Variants in EXOC6B observed in about 807,000 individuals in gnomAD.
The protein encoded by EXOC6B is SEC15 homolog B.
In EXOC6B, 54 loss-of-function variants were observed where a neutral mutation model predicts 113.5. The ratio of observed to expected loss-of-function variants is 0.48; its 90% CI spans 0.38 to 0.60. The LOEUF (loss-of-function observed/expected upper bound fraction) is 0.60, where lower values mean the gene tolerates loss of function less well. Ranked by LOEUF, EXOC6B falls within the 20% of genes least tolerant of loss-of-function variation. The pLI is 0.00. For missense variants in EXOC6B, 797 were observed against 977.5 expected (o/e 0.82, Z 2.46); for synonymous variants, 357 against 339.0 (o/e 1.05, Z -0.58).
At chr2:72,279,599 T>G (rs1177660856) in intron 20 of EXOC6B, among the ~76,000 whole-genome samples, 1 of 152,086 alleles carries the variant, frequency 6.6e-6, no homozygotes, top group African/African-American at 2.4e-5. Context: ...GCAGAAAAAG[T>G]GTAGATAATT....
At chr2:72,365,084 T>A (rs1690536992) in intron 19 of EXOC6B, among the ~76,000 whole-genome samples, 1 of 152,130 alleles carries the variant, frequency 6.6e-6, no homozygotes, top group African/African-American at 2.4e-5. Flanking sequence ...GGCGGGCAAC[T>A]TATAGAAACA....
intron 20 of EXOC6B, among the ~76,000 whole-genome samples, chr2:72,284,722 G>A (rs2104684878): frequency 6.6e-6 from 1 of 152,000 alleles, no homozygotes; most frequent in South Asian, 2.1e-4. Context: ...ATTTTCTATA[G>A]AAAATCCAAA....
At chr2:72,532,572 G>A (rs1423361226) in intron 8 of EXOC6B, among the ~76,000 whole-genome samples, 2 of 152,152 alleles carry the variant, frequency 1.3e-5, no homozygotes, top group Non-Finnish European at 2.9e-5. Context: ...CACTTTGGGA[G>A]GCCGAGGCGG....
intron 20 of EXOC6B, among the ~76,000 whole-genome samples, chr2:72,212,343 G>A (rs977385081): frequency 2.0e-5 from 3 of 152,020 alleles, no homozygotes; most frequent in African/African-American, 4.8e-5. Context: ...AGAGATTTGC[G>A]TTAATTACTA....
At position 72,509,007 on chromosome 2, in the gene EXOC6B, A is replaced by G. The variant is rs141764643; in HGVS notation, c.1167+4125T>C. Among the ~76,000 whole-genome samples, 728 of 152,260 alleles carry G rather than the reference A, an allele frequency of 4.8e-3. 9 individuals carry two copies. The highest frequency in any genetic ancestry group is 0.016 in the African/African-American group (676 of 41,564). ...TTGTTTCTGCCCCCAAAACTCACCT[A>G]TTAATGCCCTGTCTCCCAGTATGGC... On this transcript the variant is annotated intron_variant, in intron 11 of 21. Transcript: ENST00000272427.
chr2:72,502,815 A>G (rs1409242773), intron 11 of EXOC6B, among the ~76,000 whole-genome samples: 3 of 151,902 alleles, frequency 2.0e-5, no homozygotes, highest in Admixed American at 1.3e-4. Flanking sequence ...CTAAATCTCT[A>G]TTAGATACAA....
chr2:72,757,966 G>A lies in EXOC6B; in HGVS notation c.114-16497C>T, dbSNP rs572997085. ...GCTTGAGCCAAGGATTTCGCAACCAGCCCGGGCAACATAGCAAGATCCCAA... is the reference window on the plus strand; with the variant it reads ...GCTTGAGCCAAGGATTTCGCAACCAACCCGGGCAACATAGCAAGATCCCAA... On this transcript the variant is annotated intron_variant, in intron 1 of 21. Coordinates refer to ENST00000272427, the MANE Select transcript of EXOC6B (RefSeq NM_015189.3). Among the ~76,000 whole-genome samples the A allele has an allele frequency of 1.8e-4, 27 of 152,086 alleles. No individual in the cohort carries two copies. The South Asian group carries it at 5.0e-3, about 28-fold the overall frequency.
chr2:72,615,672 A>G (rs1671343253), intron 6 of EXOC6B, among the ~76,000 whole-genome samples: 1 of 152,016 alleles, frequency 6.6e-6, no homozygotes, highest in African/African-American at 2.4e-5. Context: ...ATGTTTAATA[A>G]TGATAATAAA....
chr2:72,752,802 C>T (rs750894221), intron 1 of EXOC6B, among the ~76,000 whole-genome samples: 7 of 152,082 alleles, frequency 4.6e-5, no homozygotes, highest in Admixed American at 3.3e-4. Context: ...ATTTACTTGA[C>T]TCCACTTTTG....
chr2:72,654,471 T>C (rs1373952245), intron 6 of EXOC6B, among the ~76,000 whole-genome samples: 1 of 152,230 alleles, frequency 6.6e-6, no homozygotes, highest in South Asian at 2.1e-4. Context: ...TCACTTCGTG[T>C]TGCAGAAGAG....
chr2:72,354,472 G>T (rs1689855717), intron 19 of EXOC6B, among the ~76,000 whole-genome samples: 1 of 152,198 alleles, frequency 6.6e-6, no homozygotes, highest in African/African-American at 2.4e-5. Flanking sequence ...TTCTTGACAA[G>T]GATGGCATCT....
Position 72,178,154 on chromosome 2 carries a change from A to G in EXOC6B, c.*1181T>C, listed in dbSNP as rs1319635936. Reference sequence around the variant, plus strand: ...GCAACAAAATAATATCTAGGATATTATTTAGTGAAGGACAGTTGGGCCAGA... The same window carrying G: ...GCAACAAAATAATATCTAGGATATTGTTTAGTGAAGGACAGTTGGGCCAGA... On this transcript the variant is annotated 3_prime_UTR_variant, in exon 22 of 22. Coordinates refer to ENST00000272427, the MANE Select transcript of EXOC6B (RefSeq NM_015189.3). 2 of 152,180 alleles carry G rather than the reference A, an allele frequency of 1.3e-5. No homozygotes were observed. The highest frequency in any genetic ancestry group is 2.4e-5 in the African/African-American group (1 of 41,430). The allele number at this position is 152,180 out of a possible 1,614,324, so 9.4% of individuals were successfully genotyped here.
chr2:72,713,800 G>C (rs189265008), intron 6 of EXOC6B, among the ~76,000 whole-genome samples: 42 of 152,312 alleles, frequency 2.8e-4, no homozygotes, highest in Non-Finnish European at 4.1e-4. Context: ...GAAAAAGCAA[G>C]AGACGTGGAA....
chr2:72,698,829 T>G (rs2104622987), intron 6 of EXOC6B, among the ~76,000 whole-genome samples: 1 of 152,336 alleles, frequency 6.6e-6, no homozygotes, highest in Non-Finnish European at 1.5e-5. Flanking sequence ...CCATTTTCAC[T>G]AATGGTATAA....
intron 6 of EXOC6B, among the ~76,000 whole-genome samples, chr2:72,671,487 G>A (rs1675790537): frequency 6.6e-6 from 1 of 152,006 alleles, no homozygotes. Context: ...CTGAGGTCAG[G>A]ACAGTTTGAG....
intron 20 of EXOC6B, among the ~76,000 whole-genome samples, chr2:72,223,001 G>A (rs1025479588): frequency 2.6e-5 from 4 of 152,182 alleles, no homozygotes; most frequent in African/African-American, 9.6e-5. Flanking sequence ...CTGAAAATGT[G>A]TAGCAGCAAT....
At chr2:72,801,853 AT>A (rs1487522020) in intron 1 of EXOC6B, among the ~76,000 whole-genome samples, 14 of 152,318 alleles carry the variant, frequency 9.2e-5, no homozygotes, top group African/African-American at 3.4e-4. Context: ...CCTTAAAACC[AT>A]TTCATTTTAT....
chr2:72,226,526 T>A (rs1050884743), intron 20 of EXOC6B, among the ~76,000 whole-genome samples: 1 of 152,170 alleles, frequency 6.6e-6, no homozygotes, highest in Non-Finnish European at 1.5e-5. Flanking sequence ...AATAGCACCA[T>A]CCACACAAGG....
At chr2:72,811,302 T>A (rs1412595565) in intron 1 of EXOC6B, among the ~76,000 whole-genome samples, 1 of 151,466 alleles carries the variant, frequency 6.6e-6, no homozygotes, top group Admixed American at 6.6e-5. Context: ...AGAACAAGAC[T>A]CAAGACTCTG....
Sources: gnomAD v4.1 joint callset for allele counts (sites outside exome capture counted in the v4.1 genomes callset) on GRCh38, gnomAD v4.1.1 for gene constraint, MANE v1.5 for transcripts, NCBI Gene and HGNC (gene_info 2026-07-23, HGNC 2026-07-21) for gene names.